The following SPEF2 variants were observed in gnomAD, a reference collection of about 807,000 sequenced individuals.
SPEF2 encodes the protein sperm flagellar and cilia associated 2.
Under a neutral mutation model 224.6 loss-of-function variants are expected in SPEF2, and 187 were observed. That is an observed-to-expected ratio of 0.83 (90% CI 0.74 to 0.94). The LOEUF (loss-of-function observed/expected upper bound fraction) is 0.94, where lower values mean the gene tolerates loss of function less well. SPEF2 is among the 40% of genes least tolerant of loss of function. The pLI is 0.00. For missense variants in SPEF2, 2,170 were observed against 2,135.6 expected (o/e 1.02, Z -0.32); for synonymous variants, 715 against 707.3 (o/e 1.01, Z -0.17).
intron 1 of SPEF2, among the ~76,000 whole-genome samples, chr5:35,623,064 G>GT (rs1377028476): frequency 6.6e-6 from 1 of 152,222 alleles, no homozygotes; most frequent in Non-Finnish European, 1.5e-5. Flanking sequence ...TAGATTTGTT[G>GT]TAACAAGGGA....
At chr5:35,684,800 G>T (rs1431271709) in intron 10 of SPEF2, among the ~76,000 whole-genome samples, 1 of 152,110 alleles carries the variant, frequency 6.6e-6, no homozygotes, top group Non-Finnish European at 1.5e-5. Flanking sequence ...CTTTAAAAAG[G>T]GTTAAGTGAC....
intron 20 of SPEF2, among the ~76,000 whole-genome samples, chr5:35,718,359 A>C (rs1275434277): frequency 6.6e-6 from 1 of 152,140 alleles, no homozygotes; most frequent in African/African-American, 2.4e-5. Flanking sequence ...AGAAAGAAAA[A>C]AGTAGCACCT....
chr5:35,807,289 G>A, intron 36 of SPEF2, 36 bp downstream of exon 36: 1 of 1,595,558 alleles, frequency 6.3e-7, no homozygotes, highest in Non-Finnish European at 8.5e-7. Flanking sequence ...ATTTGGTTGG[G>A]CTCCAGTTCA....
intron 25 of SPEF2, among the ~76,000 whole-genome samples, 196 bp downstream of exon 25, chr5:35,759,915 T>G (rs1750991799): frequency 6.6e-6 from 1 of 152,134 alleles, no homozygotes; most frequent in African/African-American, 2.4e-5. Context: ...ATTATCCAAT[T>G]TATAGGGAAT....
In SPEF2 at chr5:35,773,989, A is replaced by G. The variant is rs1753245366; in HGVS notation, c.4046A>G (p.Lys1349Arg). 5.0e-6 allele frequency: 8 copies of G among 1,613,140 alleles called. No individual in the cohort carries two copies. Among genetic ancestry groups the G allele is most frequent in the Non-Finnish European group, 6.8e-6 (8 of 1,179,468 alleles). The stretch of plus-strand genomic sequence containing the variant: ...AAAAATGAACTGAGGGTCAAAATAA[A>G]AGAAGAACACCTTGCTGCCTTGCAA... ...KRKNELRVKI[K>R]EEHLAALQFE... The change falls in exon 28 of 37, where the codon AAA becomes AGA. Residue 1349 changes from lysine (K) to arginine (R), a missense_variant. Physicochemically the swap from Lys to Arg is conservative, Grantham distance 26 (BLOSUM62 2). Coordinates refer to ENST00000356031, the MANE Select transcript of SPEF2 (RefSeq NM_024867.4).
At chr5:35,619,457 C>A (rs1244015107) in intron 1 of SPEF2, among the ~76,000 whole-genome samples, 1 of 152,050 alleles carries the variant, frequency 6.6e-6, no homozygotes, top group Admixed American at 6.5e-5. Context: ...CCGAGGTGGG[C>A]AGATCATGAG....
intron 20 of SPEF2, among the ~76,000 whole-genome samples, chr5:35,721,654 T>TA (rs1743687123): frequency 1.3e-5 from 2 of 152,310 alleles, no homozygotes; most frequent in African/African-American, 2.4e-5. Flanking sequence ...TAACTTGCCT[T>TA]AAAAAAAGTA....
intron 23 of SPEF2, among the ~76,000 whole-genome samples, chr5:35,747,513 A>G (rs1409508310): frequency 6.6e-6 from 1 of 152,242 alleles, no homozygotes; most frequent in Non-Finnish European, 1.5e-5. Context: ...AAATGGACAC[A>G]AAAAGTGAGC....
chr5:35,717,621 A>AG (rs1194537770), intron 20 of SPEF2, among the ~76,000 whole-genome samples: 2 of 152,060 alleles, frequency 1.3e-5, no homozygotes, highest in Admixed American at 6.6e-5. Context: ...GGAAAAAAAG[A>AG]GGAAAACGGA....
At chr5:35,813,673 T>C (rs995575226) in intron 36 of SPEF2, among the ~76,000 whole-genome samples, 8 of 152,172 alleles carry the variant, frequency 5.3e-5, no homozygotes, top group Non-Finnish European at 1.0e-4. Context: ...CAGTGACTGA[T>C]AGAAGCAGTG....
intron 32 of SPEF2, 47 bp downstream of exon 32, chr5:35,793,388 A>T (rs778356059): frequency 6.4e-7 from 1 of 1,564,032 alleles, no homozygotes; most frequent in Non-Finnish European, 8.7e-7. Context: ...AACACTTGTG[A>T]CCTAAGAAGT....
chr5:35,803,390 C>A (rs931574171), intron 34 of SPEF2, among the ~76,000 whole-genome samples: 1 of 152,164 alleles, frequency 6.6e-6, no homozygotes, highest in Non-Finnish European at 1.5e-5. Flanking sequence ...TGTTCCTACC[C>A]GGGAAGCAGC....
rs548477251 is a variant in SPEF2, at chr5:35,655,905, T to C, written c.978+1179T>C. ...ATCACTCTGGCTTTAGTTTGGAGAATAGATTACAGAAGGGCAATCCAAGTC... is the reference window on the plus strand; with the variant it reads ...ATCACTCTGGCTTTAGTTTGGAGAACAGATTACAGAAGGGCAATCCAAGTC... On this transcript the variant is annotated intron_variant, in intron 7 of 36. Transcript: ENST00000356031. Among the ~76,000 whole-genome samples, 3 of 152,270 alleles carry C rather than the reference T, an allele frequency of 2.0e-5. No homozygotes were observed. The East Asian group carries it at 5.8e-4, about 29-fold the overall frequency.
At chr5:35,634,457 A>C (rs1745552384) in intron 2 of SPEF2, among the ~76,000 whole-genome samples, 1 of 152,120 alleles carries the variant, frequency 6.6e-6, no homozygotes, top group South Asian at 2.1e-4. Context: ...CAACAACTTG[A>C]CTATAATATG....
chr5:35,697,727 A>G lies in SPEF2; in HGVS notation c.2075A>G (p.Gln692Arg). 1 of 1,613,512 alleles carries G rather than the reference A, an allele frequency of 6.2e-7. No individual in the cohort carries two copies. The highest frequency in any genetic ancestry group is 8.5e-7 in the Non-Finnish European group (1 of 1,179,678). Residue 692 changes from glutamine (Q) to arginine (R), a missense_variant, in exon 15 of 37, where the codon CAG (glutamine) becomes CGG (arginine). Physicochemically the swap from Gln to Arg is conservative, Grantham distance 43 (BLOSUM62 1). Transcript: ENST00000356031. ...TRAQLGAKSE[Q>R]LLKKGKSIPD... is the part of the protein sequence containing the mutation. ...GCTCAGCTTGGTGCAAAATCAGAAC[A>G]GTTGCTGAAGAAAGGAAAGAGCATT...
At chr5:35,637,318 C>T (rs1260347527) in intron 2 of SPEF2, among the ~76,000 whole-genome samples, 1 of 152,106 alleles carries the variant, frequency 6.6e-6, no homozygotes, top group Non-Finnish European at 1.5e-5. Context: ...GTTATTGTTG[C>T]CTTTAAGGAG....
At chr5:35,664,033 T>C (rs1750091138) in intron 8 of SPEF2, among the ~76,000 whole-genome samples, 1 of 152,140 alleles carries the variant, frequency 6.6e-6, no homozygotes, top group African/African-American at 2.4e-5. Flanking sequence ...CTTGAACAAG[T>C]CATTTCTTCT....
At chr5:35,802,614 G>A (rs1388633721) in intron 34 of SPEF2, among the ~76,000 whole-genome samples, 2 of 152,158 alleles carry the variant, frequency 1.3e-5, no homozygotes, top group Non-Finnish European at 2.9e-5. Context: ...TCTCTGAGAA[G>A]AGACATACAA....
rs762359035 is a variant in SPEF2, at chr5:35,740,254, A to T, written c.3317A>T (p.His1106Leu). 1 of 1,614,100 alleles carries T rather than the reference A, an allele frequency of 6.2e-7. No individual in the cohort carries two copies. The highest frequency in any genetic ancestry group is 1.3e-5 in the African/African-American group (1 of 75,048). ...WDDEETKAELHQRVNDLRDRL... is the reference protein window; with the variant it reads ...WDDEETKAELLQRVNDLRDRL... ...GATGAGGAAACAAAGGCTGAACTAC[A>T]TCAACGAGTGAATGTAAGGAAATAG... The change falls in exon 23 of 37, where the codon CAT (histidine) becomes CTT (leucine). Residue 1106 changes from histidine (H) to leucine (L), a missense_variant. Transcript: ENST00000356031.
Sources: gnomAD v4.1 joint callset for allele counts (sites outside exome capture counted in the v4.1 genomes callset) on GRCh38, gnomAD v4.1.1 for gene constraint, MANE v1.5 for transcripts, NCBI Gene and HGNC (gene_info 2026-07-23, HGNC 2026-07-21) for gene names.